The following PTPRG variants were observed in gnomAD, a reference collection of about 807,000 sequenced individuals.
The protein encoded by PTPRG is protein tyrosine phosphatase receptor type G, also known as receptor-type tyrosine-protein phosphatase gamma.
In PTPRG, 102 loss-of-function variants were observed where a neutral mutation model predicts 165.3. The observed-to-expected ratio is 0.62, with a 90% CI of 0.53 to 0.73. PTPRG has a LOEUF of 0.73. Ranked by LOEUF, PTPRG falls within the 30% of genes least tolerant of loss-of-function variation. The pLI is 0.00. For synonymous variants in PTPRG, 675 were observed against 669.5 expected (o/e 1.01, Z -0.13); for missense variants, 1,866 against 1,861.4 (o/e 1.00, Z -0.05).
At chr3:62,068,461 A>G (rs2661883) in intron 4 of PTPRG, among the ~76,000 whole-genome samples, 149,169 of 152,222 alleles carry the variant, frequency 0.98, 73,125 homozygotes, top group African/African-American at 1. Context: ...ACTCGGCCCT[A>G]CTCTGTTTTG....
At chr3:62,113,176 A>G (rs770926334) in intron 5 of PTPRG, among the ~76,000 whole-genome samples, 2 of 152,290 alleles carry the variant, frequency 1.3e-5, no homozygotes, top group South Asian at 4.1e-4. Flanking sequence ...CCATATTGGC[A>G]TCTCCTGACC....
intron 2 of PTPRG, among the ~76,000 whole-genome samples, chr3:61,846,063 A>G (rs927344777): frequency 6.6e-6 from 1 of 152,232 alleles, no homozygotes; most frequent in African/African-American, 2.4e-5. Context: ...TGAAAGCCTC[A>G]GCTTGCTCAT....
chr3:61,670,930 G>C (rs1045637378), intron 1 of PTPRG, among the ~76,000 whole-genome samples: 1 of 152,140 alleles, frequency 6.6e-6, no homozygotes, highest in Non-Finnish European at 1.5e-5. Flanking sequence ...GTGACGTAGA[G>C]ACACTGCGAA....
rs71123242 is a variant in PTPRG, at chr3:61,945,560, CAAAAAAAAAAAA to C, written c.191-44047_191-44036del. Among the ~76,000 whole-genome samples the C allele has an allele frequency of 1.9e-3, 104 of 55,462 alleles. 1 individual carries two copies. Among genetic ancestry groups the C allele is most frequent in the South Asian group, 6.1e-3 (7 of 1,156 alleles). 36.4% of individuals were successfully genotyped at this position (55,462 alleles called of 152,430 possible). A position where few individuals can be genotyped will look rare whatever the true frequency, so the allele number is the denominator to read the frequency against. Reference sequence around the variant, plus strand: ...GGCAATAGGAATGAAACTCCGTCACCAAAAAAAAAAAAAAAAAAAAAAAAAAAAATGGAAAAA... The same window carrying C: ...GGCAATAGGAATGAAACTCCGTCACCAAAAAAAAAAAAAAAAATGGAAAAA... On this transcript the variant is annotated intron_variant, in intron 2 of 29. Transcript: ENST00000474889.
At chr3:62,194,409 C>T (rs771771571) in intron 9 of PTPRG, among the ~76,000 whole-genome samples, 1 of 152,212 alleles carries the variant, frequency 6.6e-6, no homozygotes, top group Non-Finnish European at 1.5e-5. Flanking sequence ...CAGAACCCCA[C>T]AGCTTGTGAG....
intron 8 of PTPRG, among the ~76,000 whole-genome samples, chr3:62,188,221 T>G (rs898731242): frequency 1.3e-5 from 2 of 151,354 alleles, no homozygotes; most frequent in African/African-American, 2.4e-5. Flanking sequence ...TTTAAAAATT[T>G]AAAATTAGCT....
intron 1 of PTPRG, among the ~76,000 whole-genome samples, chr3:61,677,660 GC>G (rs1393818152): frequency 6.6e-5 from 10 of 152,170 alleles, no homozygotes; most frequent in Non-Finnish European, 1.3e-4. Context: ...TGCTGCAATA[GC>G]TAAATTTTGC....
intron 2 of PTPRG, among the ~76,000 whole-genome samples, chr3:61,887,170 ATT>A (rs869308871): frequency 2.6e-5 from 3 of 115,524 alleles, no homozygotes; most frequent in South Asian, 2.8e-4. Context: ...ATATATATAT[ATT>A]TTTAATGCCA....
chr3:61,562,786 C>G (rs370726755), intron 1 of PTPRG, among the ~76,000 whole-genome samples: 1 of 152,150 alleles, frequency 6.6e-6, no homozygotes, highest in Non-Finnish European at 1.5e-5. Flanking sequence ...GATGAGCCCC[C>G]TCGCTCTGGC....
At chr3:61,771,528 C>T (rs1292609450) in intron 2 of PTPRG, 2 of 152,126 alleles carry the variant, frequency 1.3e-5, no homozygotes, top group Admixed American at 1.3e-4. Flanking sequence ...AATGCCTAGA[C>T]TTTTTATTTG....
intron 1 of PTPRG, among the ~76,000 whole-genome samples, chr3:61,702,228 C>T (rs1471517235): frequency 1.3e-5 from 2 of 152,118 alleles, no homozygotes; most frequent in Non-Finnish European, 2.9e-5. Context: ...ATCTACCCAC[C>T]TCGGCCTCCC....
At chr3:62,100,847 T>C (rs1250745400) in intron 5 of PTPRG, among the ~76,000 whole-genome samples, 2 of 152,218 alleles carry the variant, frequency 1.3e-5, no homozygotes, top group South Asian at 2.1e-4. Context: ...CTTTTTTGTT[T>C]TGTTTCGTTT....
intron 2 of PTPRG, among the ~76,000 whole-genome samples, chr3:61,922,692 G>A (rs1008312055): frequency 5.3e-5 from 8 of 152,222 alleles, no homozygotes; most frequent in African/African-American, 1.9e-4. Context: ...CCAGGCCGGA[G>A]TACATTGGTG....
At chr3:62,115,931 T>G (rs920682516) in intron 5 of PTPRG, among the ~76,000 whole-genome samples, 1 of 152,216 alleles carries the variant, frequency 6.6e-6, no homozygotes, top group Non-Finnish European at 1.5e-5. Flanking sequence ...GGTCAAGGTT[T>G]CAGTATATTT....
At chr3:61,709,234 C>A (rs1001269464) in intron 1 of PTPRG, among the ~76,000 whole-genome samples, 2 of 152,200 alleles carry the variant, frequency 1.3e-5, no homozygotes, top group African/African-American at 4.8e-5. Context: ...GTCAGCCTGA[C>A]CCAAAACTCT....
chr3:61,987,947 G>A (rs913754048), intron 2 of PTPRG, among the ~76,000 whole-genome samples: 1 of 152,018 alleles, frequency 6.6e-6, no homozygotes, highest in Non-Finnish European at 1.5e-5. Context: ...CTATCCCTTT[G>A]TGAATCATCA....
intron 5 of PTPRG, among the ~76,000 whole-genome samples, chr3:62,114,639 T>A (rs933936333): frequency 6.6e-6 from 1 of 152,218 alleles, no homozygotes; most frequent in Non-Finnish European, 1.5e-5. Context: ...GATAATTTTT[T>A]AAATGTGTTT....
intron 2 of PTPRG, among the ~76,000 whole-genome samples, chr3:61,790,636 A>G (rs897543628): frequency 3.3e-5 from 5 of 152,206 alleles, no homozygotes; most frequent in African/African-American, 1.2e-4. Context: ...GCAGAACTTT[A>G]TAGCTATTTA....
intron 28 of PTPRG, among the ~76,000 whole-genome samples, chr3:62,286,707 G>A (rs1474859580): frequency 1.3e-5 from 2 of 151,986 alleles, no homozygotes; most frequent in African/African-American, 4.8e-5. Flanking sequence ...ACTTTTAATG[G>A]AGCCCTTAGA....
Sources: allele counts gnomAD v4.1 joint callset (sites outside exome capture counted in the v4.1 genomes callset), GRCh38; gene constraint gnomAD v4.1.1; transcripts MANE v1.5; gene names NCBI Gene and HGNC (gene_info 2026-07-23, HGNC 2026-07-21).